TYW1B: variants seen among roughly 807,000 people sequenced by gnomAD.
TYW1B encodes the protein tRNA-yW synthesizing protein 1 homolog B.
In TYW1B, 73 loss-of-function variants were observed where a neutral mutation model predicts 86.9. The ratio of observed to expected loss-of-function variants is 0.84; its 90% CI spans 0.70 to 1.02. The LOEUF is 1.02. TYW1B is among the 50% of genes least tolerant of loss of function. The pLI is 0.00. For synonymous variants in TYW1B, 248 were observed against 292.8 expected (o/e 0.85, Z 1.56); for missense variants, 637 against 827.4 (o/e 0.77, Z 2.82).
intron 11 of TYW1B, among the ~76,000 whole-genome samples, chr7:72,694,072 T>C (rs1188447718): frequency 5.3e-5 from 8 of 152,164 alleles, no homozygotes; most frequent in Non-Finnish European, 7.3e-5. Flanking sequence ...GTGATTCTCC[T>C]GCCTCAGCCT....
intron 9 of TYW1B, among the ~76,000 whole-genome samples, chr7:72,727,311 A>G (rs2129570989): frequency 6.6e-6 from 1 of 152,224 alleles, no homozygotes; most frequent in South Asian, 2.1e-4. Context: ...GGCTGGGACT[A>G]TTTTTTAATG....
chr7:72,596,443 T>C (rs545090280), intron 13 of TYW1B, among the ~76,000 whole-genome samples: 184 of 152,118 alleles, frequency 1.2e-3, no homozygotes, highest in African/African-American at 4.3e-3. Flanking sequence ...TAAAGACAGA[T>C]ATGTAGAACA....
chr7:72,618,735 C>T (rs1812142264), intron 12 of TYW1B, among the ~76,000 whole-genome samples: 1 of 152,132 alleles, frequency 6.6e-6, no homozygotes, highest in South Asian at 2.1e-4. Flanking sequence ...TCTCAGTTTG[C>T]CCAGTGATTT....
At chr7:72,724,645 A>G (rs1786966129) in intron 9 of TYW1B, among the ~76,000 whole-genome samples, 1 of 152,156 alleles carries the variant, frequency 6.6e-6, no homozygotes, top group South Asian at 2.1e-4. Context: ...AATATCAACC[A>G]GTTCCACTCT....
intron 10 of TYW1B, among the ~76,000 whole-genome samples, chr7:72,705,215 A>G (rs1281411755): frequency 6.6e-6 from 1 of 152,222 alleles, no homozygotes; most frequent in African/African-American, 2.4e-5. Flanking sequence ...CATGTTTATT[A>G]AACTTCACTC....
chr7:72,764,289 T>TA (rs1357910109), intron 7 of TYW1B, among the ~76,000 whole-genome samples: 8 of 152,020 alleles, frequency 5.3e-5, no homozygotes, highest in African/African-American at 1.9e-4. Flanking sequence ...CTTCAACAAG[T>TA]CCTTTTTTTT....
intron 12 of TYW1B, among the ~76,000 whole-genome samples, chr7:72,626,619 T>C (rs1585858302): frequency 6.6e-6 from 1 of 152,194 alleles, no homozygotes; most frequent in African/African-American, 2.4e-5. Flanking sequence ...ATCCACGCAA[T>C]GGCTTAAGCC....
intron 13 of TYW1B, among the ~76,000 whole-genome samples, chr7:72,577,996 C>T (rs527672647): frequency 2.6e-5 from 4 of 152,306 alleles, no homozygotes; most frequent in East Asian, 1.9e-4. Context: ...ACTATAATGG[C>T]CCCTGCAGTT....
intron 13 of TYW1B, among the ~76,000 whole-genome samples, chr7:72,576,449 G>A (rs1430623705): frequency 4.0e-5 from 6 of 150,606 alleles, no homozygotes; most frequent in South Asian, 2.1e-4. Flanking sequence ...TTGTGTAAAT[G>A]TATTAACTAA....
At chr7:72,814,596 A>G (rs1788686779) in intron 3 of TYW1B, among the ~76,000 whole-genome samples, 1 of 151,890 alleles carries the variant, frequency 6.6e-6, no homozygotes, top group African/African-American at 2.4e-5. Flanking sequence ...AAAAAAAACA[A>G]AAAAAACTTT....
chr7:72,654,187 T>C (rs1485664757), intron 11 of TYW1B, among the ~76,000 whole-genome samples: 1 of 151,892 alleles, frequency 6.6e-6, no homozygotes, highest in Non-Finnish European at 1.5e-5. Context: ...ATAGCAAACT[T>C]AACAGTAAGA....
At chr7:72,605,197 T>C (rs1554434574) in intron 13 of TYW1B, among the ~76,000 whole-genome samples, 1 of 152,136 alleles carries the variant, frequency 6.6e-6, no homozygotes, top group African/African-American at 2.4e-5. Flanking sequence ...ATTCCAGGTA[T>C]GAATAGGGTG....
intron 11 of TYW1B, among the ~76,000 whole-genome samples, chr7:72,641,460 T>C (rs1483672790): frequency 6.6e-6 from 1 of 152,154 alleles, no homozygotes; most frequent in African/African-American, 2.4e-5. Flanking sequence ...CCTTATGATG[T>C]AGAAATTCTC....
intron 7 of TYW1B, among the ~76,000 whole-genome samples, chr7:72,749,908 T>TTTG: frequency 1.1e-5 from 1 of 93,860 alleles, no homozygotes; most frequent in Admixed American, 1.1e-4. Flanking sequence ...TGTTGGTTTT[T>TTTG]TTTGTTTTTT....
At chr7:72,754,332 G>A (rs762043794) in intron 7 of TYW1B, among the ~76,000 whole-genome samples, 3 of 152,006 alleles carry the variant, frequency 2.0e-5, no homozygotes, top group Admixed American at 1.3e-4. Context: ...TAATAGAGAC[G>A]GGGTTTTACC....
intron 13 of TYW1B, among the ~76,000 whole-genome samples, chr7:72,614,485 T>C (rs1812018746): frequency 6.6e-6 from 1 of 152,000 alleles, no homozygotes; most frequent in South Asian, 2.1e-4. Context: ...ACACAAAAAT[T>C]AAATGGGTGT....
At chr7:72,725,938 T>C (rs1406837203) in intron 9 of TYW1B, among the ~76,000 whole-genome samples, 1 of 152,038 alleles carries the variant, frequency 6.6e-6, no homozygotes, top group Non-Finnish European at 1.5e-5. Context: ...ATTGGTTCTG[T>C]TTTTCTGGAG....
chr7:72,612,958 C>T (rs1811972709), intron 13 of TYW1B, among the ~76,000 whole-genome samples: 1 of 151,870 alleles, frequency 6.6e-6, no homozygotes, highest in African/African-American at 2.4e-5. Flanking sequence ...ACTATGTTGC[C>T]CAGAGTGGTC....
chr7:72,687,899 AT>A (rs1381189580), intron 11 of TYW1B, among the ~76,000 whole-genome samples: 1 of 152,172 alleles, frequency 6.6e-6, no homozygotes, highest in Non-Finnish European at 1.5e-5. Context: ...TCAAAAAAAA[AT>A]TTTTTAGCCA....
Sources: gnomAD v4.1 joint callset for allele counts (sites outside exome capture counted in the v4.1 genomes callset) on GRCh38, gnomAD v4.1.1 for gene constraint, MANE v1.5 for transcripts, NCBI Gene and HGNC (gene_info 2026-07-23, HGNC 2026-07-21) for gene names.